Variants in RICTOR observed in about 807,000 individuals in gnomAD.
RICTOR encodes RPTOR independent companion of MTOR complex 2.
In RICTOR, 49 loss-of-function variants were observed where a neutral mutation model predicts 214.9. That is an observed-to-expected ratio of 0.23 (90% CI 0.18 to 0.29). The LOEUF is 0.29. Ranked by LOEUF, RICTOR falls within the 10% of genes least tolerant of loss-of-function variation. RICTOR has a pLI of 1.00. For synonymous variants in RICTOR, 717 were observed against 711.3 expected (o/e 1.01, Z -0.13); for missense variants, 1,625 against 2,047.0 (o/e 0.79, Z 3.98).
In RICTOR at chr5:38,942,356, A is replaced by G; in HGVS notation, c.5075T>C (p.Val1692Ala). The G allele has an allele frequency of 1.3e-6, 2 of 1,596,588 alleles. No individual in the cohort carries two copies. Among genetic ancestry groups the G allele is most frequent in the Non-Finnish European group, 1.7e-6 (2 of 1,168,516 alleles). The change falls in exon 38 of 38, where the codon GTG becomes GCG. Residue 1692 changes from valine to alanine, a missense_variant. Transcript: ENST00000357387. The stretch of plus-strand genomic sequence containing the variant: ...AGGTTGCTTTGGTGGTGTTGCCAAC[A>G]CAGCCTCTGCTTCTTCATGCATCTA... ...FLQMHEEAEA[V>A]LATPPKQPIV...
chr5:38,958,069 C>T (rs1749445879), intron 24 of RICTOR, among the ~76,000 whole-genome samples: 2 of 151,912 alleles, frequency 1.3e-5, no homozygotes, highest in African/African-American at 4.8e-5. Context: ...AACTCCAACT[C>T]TACTAAAAAT....
intron 10 of RICTOR, among the ~76,000 whole-genome samples, chr5:38,973,841 T>C (rs1750984020): frequency 6.6e-6 from 1 of 152,212 alleles, no homozygotes; most frequent in African/African-American, 2.4e-5. Context: ...AAGATCATTT[T>C]TCAATCAGTT....
chr5:38,949,259 C>T, intron 31 of RICTOR: 3 of 706,232 alleles, frequency 4.2e-6, no homozygotes, highest in East Asian at 2.9e-5. Flanking sequence ...TTAATAATCA[C>T]AGCTACTTAA....
chr5:38,966,280 G>T (rs1192909235), intron 15 of RICTOR, among the ~76,000 whole-genome samples: 1 of 152,212 alleles, frequency 6.6e-6, no homozygotes, highest in Non-Finnish European at 1.5e-5. Flanking sequence ...GACTGAAGTA[G>T]TATCCATAGT....
At chr5:39,042,729 G>A (rs1007254699) in intron 2 of RICTOR, among the ~76,000 whole-genome samples, 1 of 152,114 alleles carries the variant, frequency 6.6e-6, no homozygotes, top group African/African-American at 2.4e-5. Context: ...CTAAAACAAT[G>A]GTTGGCAAAC....
At chr5:38,944,213 G>C (rs1416202970) in intron 36 of RICTOR, 2 of 598,722 alleles carry the variant, frequency 3.3e-6, no homozygotes, top group Admixed American at 2.1e-5. Context: ...CTCTTCAAAA[G>C]TCTGGCTTAA....
intron 7 of RICTOR, among the ~76,000 whole-genome samples, chr5:38,987,134 T>C (rs1156306158): frequency 6.6e-6 from 1 of 152,226 alleles, no homozygotes; most frequent in Non-Finnish European, 1.5e-5. Context: ...GCCAGTATTT[T>C]ATTGAAGATT....
intron 11 of RICTOR, chr5:38,970,881 T>A (rs1040613014): frequency 2.0e-5 from 3 of 152,224 alleles, no homozygotes; most frequent in Admixed American, 2.0e-4. Flanking sequence ...TTAGAAGGCA[T>A]AAATACATTT....
chr5:39,043,589 A>G (rs893464508), intron 2 of RICTOR, among the ~76,000 whole-genome samples: 1 of 152,156 alleles, frequency 6.6e-6, no homozygotes, highest in Non-Finnish European at 1.5e-5. Context: ...GTATATTTCA[A>G]AATAACTAGG....
At chr5:38,975,685 T>C in intron 9 of RICTOR, 81 bp from the exon 10 acceptor site, 1 of 977,556 alleles carries the variant, frequency 1.0e-6, no homozygotes, top group African/African-American at 1.6e-5. Context: ...TAAATCACAA[T>C]AAGAGCTATC....
intron 3 of RICTOR, among the ~76,000 whole-genome samples, chr5:39,011,420 G>C (rs1418030621): frequency 1.7e-4 from 26 of 152,170 alleles, no homozygotes; most frequent in Admixed American, 1.7e-3. Context: ...TGTGGGGTTG[G>C]AGCCCCCACA....
intron 7 of RICTOR, among the ~76,000 whole-genome samples, chr5:38,990,665 A>AGATATATATATCT (rs1554067970): frequency 0.06 from 521 of 8,654 alleles, 83 homozygotes; most frequent in East Asian, 0.092. Flanking sequence ...GATATATATC[A>AGATATATATATCT]GATATATATC....
intron 26 of RICTOR, 80 bp downstream of exon 26, chr5:38,955,512 TAGA>T: frequency 2.6e-6 from 2 of 776,382 alleles, no homozygotes; most frequent in Non-Finnish European, 4.5e-6. Context: ...TATATCATGT[TAGA>T]AGCAGAATAT....
intron 2 of RICTOR, among the ~76,000 whole-genome samples, chr5:39,062,027 G>T (rs749628306): frequency 1.4e-4 from 22 of 151,868 alleles, no homozygotes; most frequent in Non-Finnish European, 2.8e-4. Context: ...TGTCATGTAA[G>T]AATTATTCTT....
At chr5:38,953,190 G>GA in intron 28 of RICTOR, 99 bp from the exon 29 acceptor site, 2 of 807,616 alleles carry the variant, frequency 2.5e-6, no homozygotes, top group South Asian at 1.8e-5. Context: ...CTCTGAGAGA[G>GA]AAAAAATGTA....
intron 2 of RICTOR, among the ~76,000 whole-genome samples, chr5:39,023,791 T>A (rs918565141): frequency 6.6e-6 from 1 of 152,252 alleles, no homozygotes; most frequent in South Asian, 2.1e-4. Context: ...TTATACTGGG[T>A]GTTGTCTATG....
chr5:38,984,880 C>A (rs928161039), intron 7 of RICTOR, among the ~76,000 whole-genome samples: 9 of 152,190 alleles, frequency 5.9e-5, no homozygotes, highest in African/African-American at 2.2e-4. Context: ...AGTGCAGTGG[C>A]GAGATCTCGG....
chr5:39,039,279 C>T (rs1447972657), intron 2 of RICTOR, among the ~76,000 whole-genome samples: 3 of 152,082 alleles, frequency 2.0e-5, no homozygotes, highest in African/African-American at 4.8e-5. Context: ...AAAGCTGAAA[C>T]TGGATCCCTT....
chr5:38,989,437 G>A (rs1049203474), intron 7 of RICTOR, among the ~76,000 whole-genome samples: 1 of 152,160 alleles, frequency 6.6e-6, no homozygotes, highest in African/African-American at 2.4e-5. Context: ...CAGGACACAT[G>A]CATGGGCAAA....
Sources: gnomAD v4.1 joint callset for allele counts (sites outside exome capture counted in the v4.1 genomes callset) on GRCh38, gnomAD v4.1.1 for gene constraint, MANE v1.5 for transcripts, NCBI Gene and HGNC (gene_info 2026-07-23, HGNC 2026-07-21) for gene names.